MACROD2: variants seen among roughly 807,000 people sequenced by gnomAD.
The protein encoded by MACROD2 is ADP-ribose glycohydrolase MACROD2.
Under a neutral mutation model 70.4 loss-of-function variants are expected in MACROD2, and 36 were observed. That is an observed-to-expected ratio of 0.51 (90% confidence interval 0.39 to 0.68). The LOEUF is 0.68. MACROD2 is among the 30% of genes least tolerant of loss of function. The pLI, the probability that MACROD2 is intolerant of heterozygous loss-of-function variation, is 0.00. For missense variants in MACROD2, 496 were observed against 538.4 expected (o/e 0.92, Z 0.78); for synonymous variants, 172 against 178.8 (o/e 0.96, Z 0.30).
chr20:15,447,264 C>T (rs1450819213), intron 7 of MACROD2, among the ~76,000 whole-genome samples: 1 of 152,132 alleles, frequency 6.6e-6, no homozygotes, highest in Non-Finnish European at 1.5e-5. Context: ...AAGCTGGCTG[C>T]AAGCTATGGC....
chr20:15,431,541 G>C (rs947294710), intron 7 of MACROD2, 106 bp downstream of exon 7: 1 of 1,049,294 alleles, frequency 9.5e-7, no homozygotes, highest in Non-Finnish European at 1.4e-6. Context: ...ATTTTGCTGT[G>C]ATTTAGAGAC....
At chr20:15,516,134 T>G (rs1170232179) in intron 8 of MACROD2, among the ~76,000 whole-genome samples, 1 of 152,050 alleles carries the variant, frequency 6.6e-6, no homozygotes, top group African/African-American at 2.4e-5. Context: ...TTATCCTTTT[T>G]TCAGTTAATC....
chr20:14,101,631 G>C (rs1419774331), intron 3 of MACROD2, among the ~76,000 whole-genome samples: 1 of 151,936 alleles, frequency 6.6e-6, no homozygotes, highest in East Asian at 1.9e-4. Flanking sequence ...GTGTTTATAA[G>C]CAAAGACAAA....
chr20:15,972,607 C>T (rs764874798), intron 13 of MACROD2, among the ~76,000 whole-genome samples: 2 of 152,038 alleles, frequency 1.3e-5, no homozygotes, highest in African/African-American at 4.8e-5. Context: ...GTCAGGAGTT[C>T]GAGACCAGCC....
intron 5 of MACROD2, among the ~76,000 whole-genome samples, chr20:14,735,790 A>G (rs922175884): frequency 6.6e-6 from 1 of 152,158 alleles, no homozygotes; most frequent in Non-Finnish European, 1.5e-5. Flanking sequence ...GTGGTTTTAC[A>G]GTGAGCCAAG....
At chr20:15,095,064 CTTTTTTTTTTTTTTT>C (rs373794823) in intron 5 of MACROD2, among the ~76,000 whole-genome samples, 5 of 89,222 alleles carry the variant, frequency 5.6e-5, no homozygotes, top group African/African-American at 1.9e-4. Context: ...GTCTCCTCTT[CTTTTTTTTTTTTTTT>C]TTTTTTTTTT....
At chr20:14,250,699 T>A (rs552325031) in intron 3 of MACROD2, among the ~76,000 whole-genome samples, 28 of 152,304 alleles carry the variant, frequency 1.8e-4, no homozygotes, top group African/African-American at 6.5e-4. Flanking sequence ...GTCCTTAGTA[T>A]ATGTAATTTA....
At chr20:15,021,127 T>TATAC (rs1417741558) in intron 5 of MACROD2, among the ~76,000 whole-genome samples, 1 of 130,000 alleles carries the variant, frequency 7.7e-6, no homozygotes. Context: ...TACACGTGTG[T>TATAC]ATACACATAC....
At chr20:14,263,755 G>T (rs1245600533) in intron 3 of MACROD2, among the ~76,000 whole-genome samples, 1 of 151,986 alleles carries the variant, frequency 6.6e-6, no homozygotes, top group Admixed American at 6.6e-5. Flanking sequence ...GAGCCCAGGA[G>T]GTTGAGACCA....
chr20:14,905,996 G>GT (rs2073954288), intron 5 of MACROD2: 1 of 151,812 alleles, frequency 6.6e-6, no homozygotes, highest in Non-Finnish European at 1.5e-5. Flanking sequence ...TTTTGTTTTT[G>GT]TTTTTTGTTC....
At chr20:15,117,537 C>CT (rs1568582821) in intron 5 of MACROD2, among the ~76,000 whole-genome samples, 1 of 151,984 alleles carries the variant, frequency 6.6e-6, no homozygotes, top group Non-Finnish European at 1.5e-5. Context: ...CAATCCTTGA[C>CT]TTTTTTGTCA....
chr20:14,653,178 G>T (rs373056495), intron 4 of MACROD2, among the ~76,000 whole-genome samples: 1 of 151,160 alleles, frequency 6.6e-6, no homozygotes, highest in South Asian at 2.1e-4. Context: ...AGCCTCCCAA[G>T]TAGCTGGGAC....
chr20:15,369,770 C>T (rs1017418620), intron 6 of MACROD2, among the ~76,000 whole-genome samples: 5 of 152,126 alleles, frequency 3.3e-5, no homozygotes, highest in South Asian at 2.1e-4. Flanking sequence ...AATTAGGTTC[C>T]GATAATTAGA....
At chr20:15,450,434 AT>A (rs1046283182) in intron 7 of MACROD2, among the ~76,000 whole-genome samples, 1 of 151,926 alleles carries the variant, frequency 6.6e-6, no homozygotes, top group East Asian at 1.9e-4. Context: ...TTATAAGGTA[AT>A]TTTTTATGAT....
rs536360021 is a variant in MACROD2, at chr20:14,078,197, C to T, written c.164-7424C>T. Among the ~76,000 whole-genome samples, 18 of 151,984 alleles carry T rather than the reference C, an allele frequency of 1.2e-4. No individual in the cohort carries two copies. In the East Asian group the frequency reaches 1.9e-3, roughly 16 times the overall value. On this transcript the variant is annotated intron_variant, in intron 2 of 17. Coordinates refer to ENST00000684519, the MANE Select transcript of MACROD2 (RefSeq NM_001351661.2). ...GATTACAGGCGTGAGCCATCGTGCC[C>T]GGCCGCCTCTTTACCTTTTAAGTAA...
chr20:15,159,364 T>C (rs2076331575), intron 5 of MACROD2, among the ~76,000 whole-genome samples: 1 of 152,102 alleles, frequency 6.6e-6, no homozygotes, highest in Non-Finnish European at 1.5e-5. Flanking sequence ...CATATGACTC[T>C]CTGGAAATTT....
intron 5 of MACROD2, among the ~76,000 whole-genome samples, chr20:15,073,932 A>G (rs1343143281): frequency 6.6e-6 from 1 of 152,216 alleles, no homozygotes; most frequent in Non-Finnish European, 1.5e-5. Context: ...AATTTGATAT[A>G]GAAAATATTA....
At chr20:14,499,461 A>G (rs1242198634) in intron 4 of MACROD2, among the ~76,000 whole-genome samples, 2 of 151,850 alleles carry the variant, frequency 1.3e-5, no homozygotes, top group Non-Finnish European at 2.9e-5. Flanking sequence ...TGAGCTCTGG[A>G]CGTTGAGGCT....
At chr20:14,103,711 A>G (rs924210447) in intron 3 of MACROD2, among the ~76,000 whole-genome samples, 1 of 152,190 alleles carries the variant, frequency 6.6e-6, no homozygotes, top group African/African-American at 2.4e-5. Context: ...ACATTTTAAA[A>G]TTTGAGGACT....
Sources: gnomAD v4.1 joint callset for allele counts (sites outside exome capture counted in the v4.1 genomes callset) on GRCh38, gnomAD v4.1.1 for gene constraint, MANE v1.5 for transcripts, NCBI Gene and HGNC (gene_info 2026-07-23, HGNC 2026-07-21) for gene names.